The following USP7 variants were observed in gnomAD, a reference collection of about 807,000 sequenced individuals.
USP7 encodes ubiquitin C-terminal hydrolase 7.
Under a neutral mutation model 162.9 loss-of-function variants are expected in USP7, and 9 were observed. That is an observed-to-expected ratio of 0.06 (90% CI 0.03 to 0.10). The LOEUF (loss-of-function observed/expected upper bound fraction) is 0.10. Ranked by LOEUF, USP7 falls within the 10% of genes least tolerant of loss-of-function variation. The pLI is 1.00. For synonymous variants in USP7, 562 were observed against 475.9 expected (o/e 1.18, Z -2.35); for missense variants, 715 against 1,373.7 (o/e 0.52, Z 7.58).
At chr16:8,926,447 C>T (rs781748798) in intron 2 of USP7, among the ~76,000 whole-genome samples, 8 of 152,080 alleles carry the variant, frequency 5.3e-5, no homozygotes, top group Non-Finnish European at 1.2e-4. Context: ...GCATTGCACT[C>T]CAGCCTGGGC....
rs554590674 is a variant in USP7, at chr16:8,895,711, A to G, written c.2850T>C (p.Ile950=). The G allele has an allele frequency of 3.3e-5, 53 of 1,613,162 alleles. 1 individual carries two copies. The South Asian group carries it at 4.5e-4, about 14-fold the overall frequency. The change falls in exon 27 of 31, where the codon ATT becomes ATC. Residue 950 remains isoleucine, a synonymous_variant. Coordinates refer to ENST00000344836, the MANE Select transcript of USP7 (RefSeq NM_003470.3). ...ATAGTTCATCTTCTTGATGAACACC[A>G]ATGATTTTGTAGCTTACAATTTCTA... ...RLLEIVSYKI[I]GVHQEDELLE...
chr16:8,939,625 A>G (rs1898939704), intron 1 of USP7, among the ~76,000 whole-genome samples: 2 of 152,270 alleles, frequency 1.3e-5, no homozygotes, highest in Non-Finnish European at 2.9e-5. Context: ...GAGTGCTAAC[A>G]TGAAGGAAAC....
chr16:8,929,345 C>T (rs750484242), intron 2 of USP7: 3 of 379,430 alleles, frequency 7.9e-6, no homozygotes, highest in Admixed American at 3.2e-5. Flanking sequence ...AACAAAGCAG[C>T]GGGTTTAGAC....
intron 1 of USP7, among the ~76,000 whole-genome samples, chr16:8,931,514 T>C (rs944623862): frequency 2.0e-5 from 3 of 152,230 alleles, no homozygotes; most frequent in Non-Finnish European, 4.4e-5. Flanking sequence ...AAGGTGTCAG[T>C]GGACAATTCC....
chr16:8,905,284 T>C lies in USP7; in HGVS notation c.1476A>G (p.Glu492=), dbSNP rs1305632521. 3.1e-6 allele frequency: 5 copies of C among 1,614,084 alleles called. No homozygotes were observed. Among genetic ancestry groups the C allele is most frequent in the South Asian group, 1.1e-5 (1 of 91,092 alleles). ...GACCCCCATAATTGTGCTCAATTGC[T>C]TCCTCTTTAGTACACCTTGACACCA... is the stretch of plus-strand genomic sequence containing the variant. ...DDVVSRCTKE[E]AIEHNYGGHD... The change falls in exon 14 of 31, where the codon GAA becomes GAG. Residue 492 remains glutamate, a synonymous_variant. Coordinates refer to ENST00000344836, the MANE Select transcript of USP7 (RefSeq NM_003470.3).
intron 10 of USP7, among the ~76,000 whole-genome samples, chr16:8,914,336 T>A (rs535347573): frequency 3.3e-5 from 5 of 151,868 alleles, no homozygotes; most frequent in Admixed American, 3.3e-4. Context: ...GACTGTGCAA[T>A]TGATAAACCA....
At chr16:8,910,229 T>C (rs1301571214) in intron 11 of USP7, among the ~76,000 whole-genome samples, 2 of 152,122 alleles carry the variant, frequency 1.3e-5, no homozygotes, top group African/African-American at 4.8e-5. Flanking sequence ...TTTCCCTTCA[T>C]CCAAGCGGGG....
intron 2 of USP7, among the ~76,000 whole-genome samples, chr16:8,927,317 A>G (rs1406502189): frequency 6.6e-6 from 1 of 151,908 alleles, no homozygotes; most frequent in African/African-American, 2.4e-5. Flanking sequence ...AAAAAAAGAA[A>G]AAGAAAAAAA....
At chr16:8,960,626 G>A (rs1201661399) in intron 1 of USP7, among the ~76,000 whole-genome samples, 1 of 152,198 alleles carries the variant, frequency 6.6e-6, no homozygotes, top group African/African-American at 2.4e-5. Context: ...TAGTTCGTTA[G>A]GAACCGAGGC....
At position 8,923,410 on chromosome 16, in the gene USP7, G is replaced by T; in HGVS notation, c.188C>A (p.Thr63Asn). The change falls in exon 3 of 31, where the codon ACC becomes AAC. Residue 63 changes from threonine (T) to asparagine (N), a missense_variant. Physicochemically the swap from Thr to Asn is moderately conservative, Grantham distance 65. Coordinates refer to ENST00000344836, the MANE Select transcript of USP7 (RefSeq NM_003470.3). ...AAAGGTTGCCTCGGAGCGCCAACTG[G>T]TGTCTGCAAAAAAAACACATCATCA... ...NTAEEDMEDD[T>N]SWRSEATFQF... The T allele has an allele frequency of 6.2e-7, 1 of 1,613,788 alleles. No homozygotes were observed. Among genetic ancestry groups the T allele is most frequent in the Non-Finnish European group, 8.5e-7 (1 of 1,179,870 alleles).
chr16:8,905,352 A>G, intron 13 of USP7, 21 bp from the exon 14 acceptor site: 6 of 1,610,498 alleles, frequency 3.7e-6, no homozygotes, highest in Non-Finnish European at 5.1e-6. Flanking sequence ...AACAACACAC[A>G]CCAGCAGCGA....
chr16:8,930,260 C>T (rs779474136), intron 2 of USP7, 33 bp downstream of exon 2: 1 of 1,552,578 alleles, frequency 6.4e-7, no homozygotes, highest in African/African-American at 1.4e-5. Flanking sequence ...CAAGTTTCCG[C>T]CCACTGCGAG....
intron 4 of USP7, 118 bp downstream of exon 4, chr16:8,921,039 C>A: frequency 1.7e-6 from 2 of 1,174,396 alleles, no homozygotes; most frequent in South Asian, 1.8e-5. Flanking sequence ...GACACTTGTC[C>A]AATTTAGAAA....
At chr16:8,945,541 G>A (rs74884198) in intron 1 of USP7, among the ~76,000 whole-genome samples, 163 of 152,314 alleles carry the variant, frequency 1.1e-3, no homozygotes, top group African/African-American at 3.7e-3. Context: ...GTGATGTACT[G>A]TGAATGCTAG....
At chr16:8,930,272 C>T (rs372916610) in intron 2 of USP7, 21 bp downstream of exon 2, 16 of 1,589,690 alleles carry the variant, frequency 1.0e-5, no homozygotes, top group South Asian at 2.2e-5. Flanking sequence ...CACTGCGAGG[C>T]GGTGAACCAC....
At position 8,902,989 on chromosome 16, in the gene USP7, A is replaced by T. The variant is rs2061800682; in HGVS notation, c.1839+279T>A. 2.0e-5 allele frequency among the ~76,000 whole-genome samples: 3 copies of T among 152,190 alleles called. No individual in the cohort carries two copies. In the South Asian group the frequency reaches 6.2e-4, roughly 31 times the overall value. On this transcript the variant is annotated intron_variant, in intron 16 of 30. Transcript: ENST00000344836. ...GGATCGAATGCCCATTTACAAAAAT[A>T]AAGAGGGGGTAGGGGTGCAGGGAGT... is the stretch of plus-strand genomic sequence containing the variant.
rs762206887 is a variant in USP7, at chr16:8,916,565, G to A, written c.852-9C>T. 6.4e-7 allele frequency: 1 copy of A among 1,556,670 alleles called. No homozygotes were observed. Among genetic ancestry groups the A allele is most frequent in the Non-Finnish European group, 8.6e-7 (1 of 1,160,212 alleles). On this transcript the variant is annotated splice_polypyrimidine_tract_variant and intron_variant, in intron 7 of 30. Coordinates refer to ENST00000344836, the MANE Select transcript of USP7 (RefSeq NM_003470.3). ...TATCTAAAGTTTCCCACCTTTCAAA[G>A]ATAAAACAAACAACTCCATTTAAAG...
chr16:8,928,754 G>A (rs915866351), intron 2 of USP7, among the ~76,000 whole-genome samples: 1 of 152,234 alleles, frequency 6.6e-6, no homozygotes, highest in Non-Finnish European at 1.5e-5. Flanking sequence ...GAGGTCACAA[G>A]AAGGGCATTT....
chr16:8,908,106 C>G (rs867505773), intron 12 of USP7, among the ~76,000 whole-genome samples: 8 of 152,208 alleles, frequency 5.3e-5, no homozygotes, highest in African/African-American at 1.7e-4. Context: ...GAGAGCAGGG[C>G]TGGGACTGGG....
Sources: gnomAD v4.1 joint callset for allele counts (sites outside exome capture counted in the v4.1 genomes callset) on GRCh38, gnomAD v4.1.1 for gene constraint, MANE v1.5 for transcripts, NCBI Gene and HGNC (gene_info 2026-07-23, HGNC 2026-07-21) for gene names.